ARID4B: variants seen among roughly 807,000 people sequenced by gnomAD.
ARID4B encodes the protein AT-rich interactive domain-containing protein 4B.
A neutral mutation model predicts 147.5 loss-of-function variants in ARID4B; 26 were observed. That is an observed-to-expected ratio of 0.18 (90% CI 0.13 to 0.24). ARID4B has a LOEUF of 0.24. Ranked by LOEUF, ARID4B falls within the 10% of genes least tolerant of loss-of-function variation. The pLI, the probability that ARID4B is intolerant of heterozygous loss-of-function variation, is 1.00. For synonymous variants in ARID4B, 512 were observed against 507.9 expected (o/e 1.01, Z -0.11); for missense variants, 1,179 against 1,511.5 (o/e 0.78, Z 3.65).
chr1:235,258,835 G>C (rs546185643), intron 3 of ARID4B, among the ~76,000 whole-genome samples: 1 of 152,208 alleles, frequency 6.6e-6, no homozygotes, highest in Admixed American at 6.5e-5. Context: ...GCTACTTACA[G>C]ATGGAGACTA....
intron 19 of ARID4B, among the ~76,000 whole-genome samples, chr1:235,186,527 C>T (rs912799742): frequency 6.6e-6 from 1 of 151,702 alleles, no homozygotes; most frequent in Non-Finnish European, 1.5e-5. Flanking sequence ...TCTCCTGTCT[C>T]GGCCTCCCCA....
chr1:235,327,052 G>C, intron 1 of ARID4B, 84 bp from the exon 2 acceptor site: 2 of 943,010 alleles, frequency 2.1e-6, no homozygotes, highest in Non-Finnish European at 3.3e-6. Flanking sequence ...AGCGAGCGAC[G>C]TCCGAACCCC....
At chr1:235,298,696 C>G (rs904304234) in intron 2 of ARID4B, among the ~76,000 whole-genome samples, 2 of 151,810 alleles carry the variant, frequency 1.3e-5, no homozygotes, top group African/African-American at 4.8e-5. Context: ...TTACATATAG[C>G]GTTTCATTCT....
intron 17 of ARID4B, among the ~76,000 whole-genome samples, chr1:235,206,710 C>A (rs1047056822): frequency 2.6e-5 from 4 of 152,060 alleles, no homozygotes; most frequent in African/African-American, 9.7e-5. Flanking sequence ...CGTAAGAGGG[C>A]AAGAAAAGCA....
At chr1:235,234,087 C>A (rs918570495) in intron 9 of ARID4B, among the ~76,000 whole-genome samples, 5 of 151,830 alleles carry the variant, frequency 3.3e-5, no homozygotes, top group African/African-American at 9.7e-5. Flanking sequence ...TCAAAAAAAA[C>A]AAAAAAATCA....
chr1:235,312,956 C>T (rs528027900), intron 2 of ARID4B, among the ~76,000 whole-genome samples: 1 of 151,484 alleles, frequency 6.6e-6, no homozygotes, highest in African/African-American at 2.4e-5. Flanking sequence ...CTGGGATGCA[C>T]AGCAAGATTC....
At chr1:235,188,386 CTAT>C (rs1012423352) in intron 19 of ARID4B, among the ~76,000 whole-genome samples, 1 of 152,094 alleles carries the variant, frequency 6.6e-6, no homozygotes, top group African/African-American at 2.4e-5. Context: ...GCCCTAGTGC[CTAT>C]GAAAATTAAA....
At chr1:235,257,533 A>G (rs764891125) in intron 3 of ARID4B, among the ~76,000 whole-genome samples, 11 of 150,702 alleles carry the variant, frequency 7.3e-5, no homozygotes, top group Non-Finnish European at 1.5e-4. Flanking sequence ...CCCAGGTTGG[A>G]GTGCAGTAGC....
intron 2 of ARID4B, among the ~76,000 whole-genome samples, chr1:235,314,441 T>C (rs1674287850): frequency 6.6e-6 from 1 of 152,216 alleles, no homozygotes; most frequent in Admixed American, 6.5e-5. Flanking sequence ...ACAGTAACTT[T>C]ACCCAAACCT....
At chr1:235,308,490 C>T (rs1673745966) in intron 2 of ARID4B, among the ~76,000 whole-genome samples, 1 of 149,066 alleles carries the variant, frequency 6.7e-6, no homozygotes, top group Non-Finnish European at 1.5e-5. Flanking sequence ...CGGTCTCCCT[C>T]TCCCTCTCTT....
intron 2 of ARID4B, among the ~76,000 whole-genome samples, chr1:235,274,726 G>A (rs1012556206): frequency 1.3e-5 from 2 of 152,052 alleles, no homozygotes; most frequent in Non-Finnish European, 2.9e-5. Flanking sequence ...AGAAGAATAA[G>A]GCCATAATTT....
chr1:235,304,309 C>G (rs1424091938), intron 2 of ARID4B, among the ~76,000 whole-genome samples: 9 of 151,918 alleles, frequency 5.9e-5, no homozygotes, highest in Non-Finnish European at 2.9e-5. Context: ...GATCACACCA[C>G]AGCACTCCAG....
At chr1:235,278,135 T>C (rs939942653) in intron 2 of ARID4B, among the ~76,000 whole-genome samples, 3 of 152,194 alleles carry the variant, frequency 2.0e-5, no homozygotes, top group Non-Finnish European at 4.4e-5. Flanking sequence ...CTTCTTTCAA[T>C]GGCCTCTCAG....
rs370264133 is a variant in ARID4B at position 235,312,682 on chromosome 1, A to G, written c.6+14232T>C. On this transcript the variant is annotated intron_variant, in intron 2 of 23. Coordinates refer to ENST00000264183, the MANE Select transcript of ARID4B (RefSeq NM_016374.6). ...GCAAAGAATATTCAGATTAAAAAAA[A>G]CAGAAATGGGGCTGGGCGTGGTGGC... 9.2e-5 allele frequency among the ~76,000 whole-genome samples: 14 copies of G among 152,014 alleles called. No individual in the cohort carries two copies. In the East Asian group the frequency reaches 2.7e-3, roughly 30 times the overall value.
intron 2 of ARID4B, chr1:235,296,352 G>C (rs553183087): frequency 6.6e-6 from 1 of 152,362 alleles, no homozygotes; most frequent in African/African-American, 2.4e-5. Flanking sequence ...AGCCCAGCTG[G>C]CTAACACTAA....
At chr1:235,295,012 T>G (rs917696857) in intron 2 of ARID4B, among the ~76,000 whole-genome samples, 3 of 151,168 alleles carry the variant, frequency 2.0e-5, no homozygotes, top group Admixed American at 6.6e-5. Flanking sequence ...AAAATATTAT[T>G]TTTTATTAAA....
At chr1:235,304,812 C>A (rs11582288) in intron 2 of ARID4B, among the ~76,000 whole-genome samples, 19,958 of 152,160 alleles carry the variant, frequency 0.13, 1,522 homozygotes, top group African/African-American at 0.2. Context: ...GTATTCTATG[C>A]ATGGCCTGTC....
intron 2 of ARID4B, among the ~76,000 whole-genome samples, chr1:235,263,890 A>C (rs1195697597): frequency 6.6e-6 from 1 of 151,728 alleles, no homozygotes; most frequent in Non-Finnish European, 1.5e-5. Context: ...GCTACTCAGG[A>C]GGCTGAGGCA....
chr1:235,235,105 A>G (rs1438167899), intron 8 of ARID4B, among the ~76,000 whole-genome samples: 1 of 152,184 alleles, frequency 6.6e-6, no homozygotes, highest in African/African-American at 2.4e-5. Context: ...AATATCCAAG[A>G]TAATTAGGGA....
Sources: gnomAD v4.1 joint callset for allele counts (sites outside exome capture counted in the v4.1 genomes callset) on GRCh38, gnomAD v4.1.1 for gene constraint, MANE v1.5 for transcripts, NCBI Gene and HGNC (gene_info 2026-07-23, HGNC 2026-07-21) for gene names.